FUT8: variants seen among roughly 807,000 people sequenced by gnomAD.
FUT8 encodes the protein fucosyltransferase 8, also known as alpha-(1,6)-fucosyltransferase.
A neutral mutation model predicts 71.3 loss-of-function variants in FUT8; 29 were observed. That is an observed-to-expected ratio of 0.41 (90% CI 0.30 to 0.55). The LOEUF is 0.55. Ranked by LOEUF, FUT8 falls within the 20% of genes least tolerant of loss-of-function variation. The probability of loss-of-function intolerance (pLI) is 0.34; values close to 1 mark genes in which losing one functional copy is unlikely to be tolerated. For missense variants in FUT8, 544 were observed against 702.1 expected (o/e 0.77, Z 2.55); for synonymous variants, 254 against 239.3 (o/e 1.06, Z -0.57).
intron 7 of FUT8, among the ~76,000 whole-genome samples, chr14:65,712,475 G>A (rs191741420): frequency 3.9e-5 from 6 of 152,204 alleles, no homozygotes; most frequent in African/African-American, 9.6e-5. Flanking sequence ...ACGAAGTTTC[G>A]CTCTATTGCC....
In FUT8 at chr14:65,638,582, C is replaced by T. The variant is rs1354019864; in HGVS notation, c.597+8976C>T. The stretch of plus-strand genomic sequence containing the variant: ...ACTTCTCCAGTGACAGTATATGATC[C>T]TTTGGAATAAGGGGAATGTTAATGC... On this transcript the variant is annotated intron_variant, in intron 6 of 10. Coordinates refer to ENST00000673929, the MANE Select transcript of FUT8 (RefSeq NM_001371533.1). This position sits in a 1 kb window ranked among gnomAD's most constrained non-coding sequence, Gnocchi z 4.5. 1.3e-5 allele frequency among the ~76,000 whole-genome samples: 2 copies of T among 151,930 alleles called. No individual in the cohort carries two copies. Among genetic ancestry groups the T allele is most frequent in the African/African-American group, 2.4e-5 (1 of 41,336 alleles).
intron 2 of FUT8, among the ~76,000 whole-genome samples, chr14:65,527,389 T>A (rs778789110): frequency 1.3e-5 from 2 of 152,242 alleles, no homozygotes; most frequent in Non-Finnish European, 2.9e-5. Context: ...GTCATGTAGT[T>A]CTCATGCCAT....
At chr14:65,685,266 G>T (rs183483925) in intron 7 of FUT8, among the ~76,000 whole-genome samples, 5 of 152,104 alleles carry the variant, frequency 3.3e-5, no homozygotes, top group Non-Finnish European at 7.4e-5. Context: ...TTTGGACACA[G>T]TTTTCCCTGG....
chr14:65,565,262 G>A (rs1886128929), intron 3 of FUT8, among the ~76,000 whole-genome samples: 1 of 151,880 alleles, frequency 6.6e-6, no homozygotes, highest in Non-Finnish European at 1.5e-5. Flanking sequence ...GAGGGATCTA[G>A]CTCCATAACC....
intron 5 of FUT8, among the ~76,000 whole-genome samples, chr14:65,628,908 A>C (rs1173561928): frequency 6.6e-6 from 1 of 152,218 alleles, no homozygotes; most frequent in African/African-American, 2.4e-5. Context: ...TTTGCATATT[A>C]TCTATGGCAG....
chr14:65,415,302 T>G (rs1400821649), intron 1 of FUT8, among the ~76,000 whole-genome samples: 1 of 152,202 alleles, frequency 6.6e-6, no homozygotes, highest in Admixed American at 6.5e-5. Flanking sequence ...AGGAAATTGA[T>G]GTGGGCATAT....
intron 7 of FUT8, among the ~76,000 whole-genome samples, chr14:65,691,318 A>G (rs1205837297): frequency 6.6e-6 from 1 of 151,090 alleles, no homozygotes; most frequent in Non-Finnish European, 1.5e-5. Flanking sequence ...GAGAGGGGCC[A>G]TCCTTGTGTT....
the FUT8 span, among the ~76,000 whole-genome samples, chr14:65,367,735 GA>G: frequency 1.3e-5 from 2 of 152,086 alleles, no homozygotes; most frequent in African/African-American, 4.8e-5. Flanking sequence ...GAACACTTCT[GA>G]AATTCTCTTT....
intron 5 of FUT8, among the ~76,000 whole-genome samples, chr14:65,625,424 G>GA (rs1273604376): frequency 6.6e-6 from 1 of 152,248 alleles, no homozygotes; most frequent in Admixed American, 6.5e-5. Context: ...TTTATAATCT[G>GA]AAAAAACTTT....
rs543211691 is a variant in FUT8, at chr14:65,429,247, G to T, written c.-326+16033G>T. ...AATTTGACTTTTAGAAACCTTCAGG[G>T]CTTGTTATTTTACCTACAGTAGTAG... On this transcript the variant is annotated intron_variant, in intron 1 of 10. Transcript: ENST00000673929. Among the ~76,000 whole-genome samples, 3 of 152,224 alleles carry T rather than the reference G, an allele frequency of 2.0e-5. No homozygotes were observed. In the East Asian group the frequency reaches 5.8e-4, roughly 29 times the overall value.
chr14:65,401,305 G>T, the FUT8 span, among the ~76,000 whole-genome samples: 3 of 152,118 alleles, frequency 2.0e-5, no homozygotes, highest in African/African-American at 4.8e-5. Context: ...AGTATAGCAG[G>T]GTACCAAAGA....
At chr14:65,666,451 G>A (rs1001699697) in intron 6 of FUT8, among the ~76,000 whole-genome samples, 1 of 152,022 alleles carries the variant, frequency 6.6e-6, no homozygotes, top group Non-Finnish European at 1.5e-5. Context: ...ATAAATTCCT[G>A]GAAACATACA....
chr14:65,549,905 C>CA (rs1409031432), intron 2 of FUT8, among the ~76,000 whole-genome samples: 1 of 151,906 alleles, frequency 6.6e-6, no homozygotes, highest in Non-Finnish European at 1.5e-5. Context: ...ACTAAAAACA[C>CA]AAAAAATCAG....
At chr14:65,703,530 C>T (rs888179152) in intron 7 of FUT8, among the ~76,000 whole-genome samples, 11 of 152,178 alleles carry the variant, frequency 7.2e-5, no homozygotes, top group Non-Finnish European at 1.5e-4. Context: ...TTACACAGCG[C>T]AAAAGGAAGG....
the FUT8 span, among the ~76,000 whole-genome samples, chr14:65,383,265 C>CTTTTTTTTCTTT: frequency 5.8e-5 from 5 of 86,534 alleles, no homozygotes; most frequent in East Asian, 5.4e-4. Flanking sequence ...TTTTTCTTTT[C>CTTTTTTTTCTTT]TTTTTTTTTT....
At chr14:65,464,431 G>A (rs1028782562) in intron 2 of FUT8, among the ~76,000 whole-genome samples, 3 of 152,076 alleles carry the variant, frequency 2.0e-5, no homozygotes, top group Non-Finnish European at 4.4e-5. Flanking sequence ...TCCTTGCCTT[G>A]TTCCTGATCC....
At position 65,416,768 on chromosome 14, in the gene FUT8, ATT is replaced by A. The variant is rs763100202; in HGVS notation, c.-326+3572_-326+3573del. On this transcript the variant is annotated intron_variant, in intron 1 of 10. Coordinates refer to ENST00000673929, the MANE Select transcript of FUT8 (RefSeq NM_001371533.1). ...TAGATTTAACATTTTATTTTCTTTA[ATT>A]TTTTTTTTTTTTTTTTTGAGATTGG... Among the ~76,000 whole-genome samples, 774 of 129,200 alleles carry A rather than the reference ATT, an allele frequency of 6.0e-3. 26 individuals are homozygous for A. In the East Asian group the frequency reaches 0.094, roughly 16 times the overall value. 84.8% of individuals were successfully genotyped at this position (129,200 alleles called of 152,430 possible).
At chr14:65,443,953 A>G (rs1456397521) in intron 1 of FUT8, among the ~76,000 whole-genome samples, 1 of 152,186 alleles carries the variant, frequency 6.6e-6, no homozygotes, top group African/African-American at 2.4e-5. Flanking sequence ...AATGTTTTCA[A>G]TAAGTTTTTA....
intron 5 of FUT8, among the ~76,000 whole-genome samples, chr14:65,618,029 A>ATG (rs1889383760): frequency 5.0e-5 from 4 of 80,406 alleles, no homozygotes; most frequent in Admixed American, 4.4e-4. Flanking sequence ...ATATATATAT[A>ATG]TATATATATA....
Sources: gnomAD v4.1 joint callset for allele counts (sites outside exome capture counted in the v4.1 genomes callset) on GRCh38, gnomAD v4.1.1 for gene constraint, Gnocchi (gnomAD v3.1) non-coding constraint, MANE v1.5 for transcripts, NCBI Gene and HGNC (gene_info 2026-07-23, HGNC 2026-07-21) for gene names.